Variants in EVI5 observed in about 807,000 individuals in gnomAD.
EVI5 encodes ecotropic viral integration site 5 protein homolog.
In EVI5, 73 loss-of-function variants were observed where a neutral mutation model predicts 112.0. The observed-to-expected ratio is 0.65, with a 90% CI of 0.54 to 0.79. The LOEUF is 0.79. EVI5 is among the 30% of genes least tolerant of loss of function. The pLI, the probability that EVI5 is intolerant of heterozygous loss-of-function variation, is 0.00. For missense variants in EVI5, 900 were observed against 968.8 expected (o/e 0.93, Z 0.94); for synonymous variants, 305 against 319.9 (o/e 0.95, Z 0.50).
chr1:92,532,916 G>A (rs1438957594), intron 19 of EVI5, among the ~76,000 whole-genome samples: 2 of 150,576 alleles, frequency 1.3e-5, no homozygotes, highest in African/African-American at 4.9e-5. Flanking sequence ...GCTAGCAGAA[G>A]GCAAGAAATA....
intron 19 of EVI5, 53 bp from the exon 20 acceptor site, chr1:92,514,023 G>A (rs988195047): frequency 9.3e-6 from 10 of 1,069,768 alleles, no homozygotes; most frequent in South Asian, 5.5e-5. Flanking sequence ...ACACACACAC[G>A]CCAAAAAGCA....
At position 92,662,722 on chromosome 1, in the gene EVI5, T is replaced by C. The variant is rs535992561; in HGVS notation, c.1389A>G (p.Gln463=). The part of the protein sequence containing the change: ...NTIRKLQHQQ[Q]WHKCSSNYNE... ...AAAGCACTACCAGACTCCTTACCCA[T>C]TGTTGTTGGTGCTGGAGCTTCCTGA... The change falls in exon 13 of 20, where the codon CAA becomes CAG. Residue 463 remains glutamine, a synonymous_variant. Transcript: ENST00000684568. 4.0e-6 allele frequency: 5 copies of C among 1,260,968 alleles called. No individual in the cohort carries two copies. The highest frequency in any genetic ancestry group is 2.6e-5 in the Admixed American group (1 of 37,888). 78.1% of individuals were successfully genotyped at this position (1,260,968 alleles called of 1,614,324 possible). A position where few individuals can be genotyped will look rare whatever the true frequency, so the allele number is the denominator to read the frequency against.
chr1:92,700,504 C>G (rs1218219125), intron 5 of EVI5, among the ~76,000 whole-genome samples: 1 of 152,144 alleles, frequency 6.6e-6, no homozygotes, highest in African/African-American at 2.4e-5. Flanking sequence ...CCACTGACAA[C>G]AGCTAAGTAG....
rs1330668926 is a variant in EVI5 at position 92,508,991 on chromosome 1, G to A, written c.*4665C>T. On this transcript the variant is annotated 3_prime_UTR_variant, in exon 20 of 20. Transcript: ENST00000684568. ...AAATTAATTTTTAAAACTTAGTTTT[G>A]TTAATAATAGAGCAGCAGTAACTTT... 6.6e-6 allele frequency: 1 copy of A among 152,092 alleles called. No homozygotes were observed. The highest frequency in any genetic ancestry group is 1.5e-5 in the Non-Finnish European group (1 of 68,002). The allele number at this position is 152,092 out of a possible 1,614,324, so 9.4% of individuals were successfully genotyped here.
At position 92,694,195 on chromosome 1, in the gene EVI5, G is replaced by A. The variant is rs531745796; in HGVS notation, c.999+104C>T. 2.1e-5 allele frequency: 14 copies of A among 666,528 alleles called. No homozygotes were observed. The East Asian group carries it at 3.8e-4, about 18-fold the overall frequency. 41.3% of individuals were successfully genotyped at this position (666,528 alleles called of 1,614,324 possible). The stretch of plus-strand genomic sequence containing the variant: ...TAGGAGGATCACTTGAACCTGGGAG[G>A]CAGAGGTTGCAGTGAGCCAAGATCA... On this transcript the variant is annotated intron_variant, in intron 8 of 19. Coordinates refer to ENST00000684568, the MANE Select transcript of EVI5 (RefSeq NM_001350197.2).
chr1:92,511,165 T>C lies in EVI5; in HGVS notation c.*2491A>G, dbSNP rs1659167226. 1 of 152,136 alleles carries C rather than the reference T, an allele frequency of 6.6e-6. No individual in the cohort carries two copies. Among genetic ancestry groups the C allele is most frequent in the Non-Finnish European group, 1.5e-5 (1 of 68,044 alleles). The allele number at this position is 152,136 out of a possible 1,614,324, so 9.4% of individuals were successfully genotyped here. A position where few individuals can be genotyped will look rare whatever the true frequency, so the allele number is the denominator to read the frequency against. ...ATTATGTTGTCAAAAAAGCAGGGAATTGCCAGGTGTGGTGGCTTACGTCTA... is the reference window on the plus strand; with the variant it reads ...ATTATGTTGTCAAAAAAGCAGGGAACTGCCAGGTGTGGTGGCTTACGTCTA... On this transcript the variant is annotated 3_prime_UTR_variant, in exon 20 of 20. Coordinates refer to ENST00000684568, the MANE Select transcript of EVI5 (RefSeq NM_001350197.2).
chr1:92,771,114 C>T (rs1316695635), intron 1 of EVI5, among the ~76,000 whole-genome samples: 2 of 151,984 alleles, frequency 1.3e-5, no homozygotes, highest in African/African-American at 2.4e-5. Flanking sequence ...CAGCGCCTGG[C>T]GAGAAGTCTG....
intron 19 of EVI5, among the ~76,000 whole-genome samples, chr1:92,533,550 C>T (rs1168045411): frequency 9.2e-5 from 14 of 152,064 alleles, no homozygotes; most frequent in East Asian, 1.9e-4. Flanking sequence ...ACTGGCAAAC[C>T]GAATCCAGCA....
At chr1:92,561,460 ATAAGG>A (rs1162169917) in intron 19 of EVI5, among the ~76,000 whole-genome samples, 1 of 152,114 alleles carries the variant, frequency 6.6e-6, no homozygotes, top group African/African-American at 2.4e-5. Context: ...TCATGTTTGT[ATAAGG>A]TAAGACTGCT....
At chr1:92,718,275 T>C (rs1032122418) in intron 2 of EVI5, among the ~76,000 whole-genome samples, 15 of 152,156 alleles carry the variant, frequency 9.9e-5, no homozygotes, top group African/African-American at 7.2e-5. Context: ...TATTCCAAAA[T>C]TGACCACATA....
rs958156001 is a variant in EVI5, at chr1:92,761,341, T to G, written c.-82+23495A>C. On this transcript the variant is annotated intron_variant, in intron 1 of 19. Coordinates refer to ENST00000684568, the MANE Select transcript of EVI5 (RefSeq NM_001350197.2). ...TGCAGACTTATAGCACGATTTTTTT[T>G]TAGTGGGTATTTGTCTAAGTATTTG... Among the ~76,000 whole-genome samples, 3 of 152,192 alleles carry G rather than the reference T, an allele frequency of 2.0e-5. No individual in the cohort carries two copies. In the East Asian group the frequency reaches 5.8e-4, roughly 29 times the overall value.
chr1:92,646,287 C>A (rs1200130429), intron 13 of EVI5, among the ~76,000 whole-genome samples: 1 of 152,140 alleles, frequency 6.6e-6, no homozygotes, highest in Non-Finnish European at 1.5e-5. Context: ...ACAGAAGGTT[C>A]TTTCTTGAAC....
At chr1:92,674,731 A>G (rs567482044) in intron 10 of EVI5, among the ~76,000 whole-genome samples, 10 of 152,054 alleles carry the variant, frequency 6.6e-5, no homozygotes, top group Non-Finnish European at 1.5e-5. Context: ...AGACACCCCT[A>G]AATATGAAGT....
chr1:92,689,272 C>G (rs1486134317), intron 9 of EVI5, among the ~76,000 whole-genome samples: 1 of 151,302 alleles, frequency 6.6e-6, no homozygotes, highest in Admixed American at 6.6e-5. Flanking sequence ...GAATATAAAC[C>G]TGTAAGTCCT....
chr1:92,789,865 A>G (rs1419097967), upstream of EVI5, among the ~76,000 whole-genome samples: 7 of 152,026 alleles, frequency 4.6e-5, no homozygotes, highest in South Asian at 2.1e-4. Flanking sequence ...CAAAGAAGGA[A>G]CTCACCAGAG....
chr1:92,614,928 A>G (rs1480699986), intron 16 of EVI5, among the ~76,000 whole-genome samples: 1 of 149,282 alleles, frequency 6.7e-6, no homozygotes, highest in African/African-American at 2.5e-5. Flanking sequence ...CTGTCCCTCT[A>G]GAGAACCCTG....
chr1:92,752,096 G>A (rs1470211327), intron 1 of EVI5, among the ~76,000 whole-genome samples: 2 of 152,152 alleles, frequency 1.3e-5, no homozygotes, highest in Non-Finnish European at 2.9e-5. Flanking sequence ...TGAAGAGCCT[G>A]TAACTACTCT....
chr1:92,703,329 A>G (rs1298554789), intron 4 of EVI5, 66 bp downstream of exon 4: 2 of 1,004,904 alleles, frequency 2.0e-6, no homozygotes, highest in Non-Finnish European at 2.9e-6. Context: ...CTTCATCATG[A>G]AAAATGTATA....
intron 18 of EVI5, among the ~76,000 whole-genome samples, chr1:92,602,061 C>T (rs1050790551): frequency 1.3e-5 from 2 of 152,096 alleles, no homozygotes; most frequent in African/African-American, 4.8e-5. Flanking sequence ...CTACTACCAG[C>T]AGAACATAAA....
Sources: allele counts gnomAD v4.1 joint callset (sites outside exome capture counted in the v4.1 genomes callset), GRCh38; gene constraint gnomAD v4.1.1; transcripts MANE v1.5; gene names NCBI Gene and HGNC (gene_info 2026-07-23, HGNC 2026-07-21).